The following PIK3R3 variants were observed in gnomAD, a reference collection of about 807,000 sequenced individuals.
The protein encoded by PIK3R3 is phosphatidylinositol 3-kinase regulatory subunit gamma.
In PIK3R3, 64 loss-of-function variants were observed where a neutral mutation model predicts 62.9. The observed-to-expected ratio is 1.02, with a 90% confidence interval of 0.83 to 1.25. The LOEUF is 1.25. Ranked by LOEUF, PIK3R3 falls within the 50% of genes most tolerant of loss-of-function variation. PIK3R3 has a pLI of 0.00. For synonymous variants in PIK3R3, 165 were observed against 189.0 expected (o/e 0.87, Z 1.04); for missense variants, 614 against 561.6 (o/e 1.09, Z -0.94).
At chr1:46,167,756 C>T in the PIK3R3 span, among the ~76,000 whole-genome samples, 4 of 152,318 alleles carry the variant, frequency 2.6e-5, no homozygotes, top group East Asian at 7.7e-4. Context: ...TCTCACACGG[C>T]CAATCAGTGC....
the PIK3R3 span, among the ~76,000 whole-genome samples, chr1:46,161,013 G>A: frequency 2.0e-5 from 3 of 152,158 alleles, no homozygotes; most frequent in African/African-American, 7.2e-5. Context: ...AGTCAGATTG[G>A]ACCACATCAT....
At chr1:46,153,501 T>C in the PIK3R3 span, among the ~76,000 whole-genome samples, 2 of 152,368 alleles carry the variant, frequency 1.3e-5, no homozygotes, top group African/African-American at 4.8e-5. Flanking sequence ...CAATGTTTTC[T>C]GTCCTGGCTG....
At chr1:46,080,837 G>T in intron 1 of PIK3R3, 87 bp from the exon 2 acceptor site, 1 of 768,000 alleles carries the variant, frequency 1.3e-6, no homozygotes. Context: ...ACCAAGGTAT[G>T]TTAAGATTCT....
At chr1:46,078,844 CG>C (rs1359405813) in intron 2 of PIK3R3, among the ~76,000 whole-genome samples, 1 of 151,988 alleles carries the variant, frequency 6.6e-6, no homozygotes, top group Admixed American at 6.6e-5. Flanking sequence ...ACCTTGAAGA[CG>C]TATGAAGAAA....
At chr1:46,096,866 A>G (rs1652184659) in intron 1 of PIK3R3, among the ~76,000 whole-genome samples, 1 of 151,812 alleles carries the variant, frequency 6.6e-6, no homozygotes, top group Non-Finnish European at 1.5e-5. Context: ...GAAAGAAAAA[A>G]GAAGAGGAAG....
At chr1:46,102,118 T>A (rs1033028086) in intron 1 of PIK3R3, among the ~76,000 whole-genome samples, 5 of 151,246 alleles carry the variant, frequency 3.3e-5, no homozygotes, top group African/African-American at 4.9e-5. Flanking sequence ...CCCGAGTAGC[T>A]GGGACTACAG....
rs140623760 is a variant in PIK3R3, at chr1:46,112,191, T to C, written c.106+19656A>G. ...GTGAAACATTGTTTTTGGTTTTTTA[T>C]AAAAATGGGATCTTATTATACACAT... On this transcript the variant is annotated intron_variant, in intron 1 of 9. Transcript: ENST00000262741. Among the ~76,000 whole-genome samples, 937 of 152,348 alleles carry C rather than the reference T, an allele frequency of 6.2e-3. 4 individuals carry two copies. The highest frequency in any genetic ancestry group is 0.026 in the South Asian group (124 of 4,832).
the PIK3R3 span, among the ~76,000 whole-genome samples, chr1:46,168,557 G>C: frequency 6.6e-6 from 1 of 152,230 alleles, no homozygotes; most frequent in Non-Finnish European, 1.5e-5. Flanking sequence ...CCAGTGGCTG[G>C]ATTACCCAGC....
intron 3 of PIK3R3, among the ~76,000 whole-genome samples, chr1:46,071,868 C>G (rs1649575003): frequency 6.6e-6 from 1 of 151,148 alleles, no homozygotes; most frequent in African/African-American, 2.4e-5. Context: ...GAATTCAAGG[C>G]CCTCTTAAAC....
intron 3 of PIK3R3, among the ~76,000 whole-genome samples, chr1:46,069,571 CTTTAAG>C (rs1649311438): frequency 6.6e-6 from 1 of 151,680 alleles, no homozygotes; most frequent in Non-Finnish European, 1.5e-5. Flanking sequence ...GTTTTAGACA[CTTTAAG>C]TTTGAGATGC....
chr1:46,055,299 A>T (rs1425568553), intron 7 of PIK3R3, among the ~76,000 whole-genome samples: 1 of 151,912 alleles, frequency 6.6e-6, no homozygotes, highest in Non-Finnish European at 1.5e-5. Flanking sequence ...GTAGAAACGG[A>T]GTTTCACTAT....
intron 1 of PIK3R3, among the ~76,000 whole-genome samples, chr1:46,087,592 CTTTTTTTTTTT>C (rs35296719): frequency 1.0e-5 from 1 of 100,358 alleles, no homozygotes; most frequent in Non-Finnish European, 1.9e-5. Context: ...ACATATTCAT[CTTTTTTTTTTT>C]TTTTTTTTTT....
chr1:46,146,686 TACACACACACAC>T, the PIK3R3 span, among the ~76,000 whole-genome samples: 2,515 of 92,750 alleles, frequency 0.027, 91 homozygotes, highest in Middle Eastern at 0.046. Context: ...CCTCCAACTC[TACACACACACAC>T]ACACACACAC....
At chr1:46,164,789 T>G in the PIK3R3 span, among the ~76,000 whole-genome samples, 1 of 152,206 alleles carries the variant, frequency 6.6e-6, no homozygotes, top group East Asian at 1.9e-4. Context: ...CTGGTTTTGC[T>G]TATGCTATTC....
the PIK3R3 span, among the ~76,000 whole-genome samples, chr1:46,140,056 A>T: frequency 6.6e-6 from 1 of 151,972 alleles, no homozygotes; most frequent in Non-Finnish European, 1.5e-5. Flanking sequence ...TGGTGTGATC[A>T]TGGCCCACTG....
intron 7 of PIK3R3, among the ~76,000 whole-genome samples, chr1:46,049,398 G>GA (rs1647199585): frequency 1.3e-5 from 2 of 152,262 alleles, no homozygotes; most frequent in South Asian, 4.1e-4. Flanking sequence ...AAGGACAGGA[G>GA]AAACGACTTT....
rs1049523175 is a variant in PIK3R3, at chr1:46,071,762, G to A, written c.315-4671C>T. On this transcript the variant is annotated intron_variant, in intron 3 of 9. Transcript: ENST00000262741. ...AGAGAGAGAGAGAGAGAGAGAGAGCGCGCGCCTGATCACAATTTCCCTGCC... is the reference window on the plus strand; with the variant it reads ...AGAGAGAGAGAGAGAGAGAGAGAGCACGCGCCTGATCACAATTTCCCTGCC... 1.9e-4 allele frequency among the ~76,000 whole-genome samples: 25 copies of A among 130,162 alleles called. 1 individual carries two copies. Among genetic ancestry groups the A allele is most frequent in the Admixed American group, 1.4e-3 (17 of 12,162 alleles). The allele number at this position is 130,162 out of a possible 152,430, so 85.4% of individuals were successfully genotyped here. A position where few individuals can be genotyped will look rare whatever the true frequency, so the allele number is the denominator to read the frequency against.
At chr1:46,164,086 C>CCT in the PIK3R3 span, among the ~76,000 whole-genome samples, 1 of 152,180 alleles carries the variant, frequency 6.6e-6, no homozygotes, top group Non-Finnish European at 1.5e-5. Context: ...ACGAATAATA[C>CCT]CTCTCCCATC....
At chr1:46,087,490 C>G (rs1254333333) in intron 1 of PIK3R3, among the ~76,000 whole-genome samples, 1 of 152,000 alleles carries the variant, frequency 6.6e-6, no homozygotes. Context: ...CATATACCCC[C>G]AGTCAGGAGT....
Sources: allele counts gnomAD v4.1 joint callset (sites outside exome capture counted in the v4.1 genomes callset), GRCh38; gene constraint gnomAD v4.1.1; transcripts MANE v1.5; gene names NCBI Gene and HGNC (gene_info 2026-07-23, HGNC 2026-07-21).